Variants in TGFBR1 observed in about 807,000 individuals in gnomAD.
The protein encoded by TGFBR1 is TGF-beta receptor type-1.
In TGFBR1, 20 loss-of-function variants were observed where a neutral mutation model predicts 55.1. That is an observed-to-expected ratio of 0.36 (90% confidence interval 0.26 to 0.53). The LOEUF (loss-of-function observed/expected upper bound fraction) is 0.53, where lower values mean the gene tolerates loss of function less well. TGFBR1 is among the 20% of genes least tolerant of loss of function. TGFBR1 has a pLI of 0.91. For missense variants in TGFBR1, 385 were observed against 617.6 expected (o/e 0.62, Z 3.99); for synonymous variants, 220 against 214.8 (o/e 1.02, Z -0.21).
intron 3 of TGFBR1, among the ~76,000 whole-genome samples, chr9:99,134,945 C>T (rs1827388152): frequency 1.3e-5 from 2 of 150,256 alleles, no homozygotes; most frequent in African/African-American, 4.9e-5. Context: ...GTCTGCATTG[C>T]TTGCTAGCTC....
At position 99,152,221 on chromosome 9, in the gene TGFBR1, G is replaced by C; in HGVS notation, c.*2916G>C. ...TTCAGTCATTAGAGGTGGAAGGGAG[G>C]GGTCTCCAAGTTTGGAGATTGAGCA... On this transcript the variant is annotated 3_prime_UTR_variant, in exon 9 of 9. Coordinates refer to ENST00000374994, the MANE Select transcript of TGFBR1 (RefSeq NM_004612.4). 4.7e-6 allele frequency: 1 copy of C among 212,080 alleles called. No homozygotes were observed. Among genetic ancestry groups the C allele is most frequent in the African/African-American group, 2.3e-5 (1 of 44,196 alleles). The allele number at this position is 212,080 out of a possible 1,614,324, so 13.1% of individuals were successfully genotyped here.
intron 1 of TGFBR1, among the ~76,000 whole-genome samples, chr9:99,126,525 A>T (rs1827046874): frequency 6.6e-6 from 1 of 152,214 alleles, no homozygotes; most frequent in Non-Finnish European, 1.5e-5. Flanking sequence ...AATCATGAGT[A>T]AAGAGGATTT....
chr9:99,154,055 C>T lies in TGFBR1; in HGVS notation c.*4750C>T, dbSNP rs193268210. The T allele has an allele frequency of 1.7e-3, 378 of 224,538 alleles. 3 individuals carry two copies. The highest frequency in any genetic ancestry group is 7.9e-3 in the African/African-American group (352 of 44,828). The allele number at this position is 224,538 out of a possible 1,614,324, so 13.9% of individuals were successfully genotyped here. ...GGGGCTTTGTGAATAGGATTGCTCT[C>T]ACATTAAAGATAGTTACTTCAATTT... On this transcript the variant is annotated 3_prime_UTR_variant, in exon 9 of 9. Transcript: ENST00000374994.
intron 1 of TGFBR1, among the ~76,000 whole-genome samples, chr9:99,120,089 TCTGAGATTGGTA>T (rs1464789731): frequency 2.6e-5 from 4 of 152,200 alleles, no homozygotes; most frequent in African/African-American, 9.7e-5. Context: ...CCTCAAACCT[TCTGAGATTGGTA>T]CTGTTTGTTA....
chr9:99,131,011 A>G (rs931172216), intron 2 of TGFBR1, among the ~76,000 whole-genome samples: 1 of 152,210 alleles, frequency 6.6e-6, no homozygotes, highest in Non-Finnish European at 1.5e-5. Flanking sequence ...TAAGAGATAT[A>G]GGGAACAGAT....
intron 3 of TGFBR1, among the ~76,000 whole-genome samples, chr9:99,136,107 G>A (rs970292306): frequency 2.0e-5 from 3 of 152,046 alleles, no homozygotes; most frequent in Admixed American, 6.6e-5. Context: ...CAACCACGTC[G>A]GCCTCCTAAA....
At chr9:99,111,414 G>C (rs1373047042) in intron 1 of TGFBR1, among the ~76,000 whole-genome samples, 1 of 150,012 alleles carries the variant, frequency 6.7e-6, no homozygotes, top group Non-Finnish European at 1.5e-5. Flanking sequence ...GAATCACGAG[G>C]TCAGGAGTTC....
intron 1 of TGFBR1, among the ~76,000 whole-genome samples, chr9:99,117,857 T>TA (rs1428656688): frequency 6.6e-6 from 1 of 152,164 alleles, no homozygotes; most frequent in Admixed American, 6.5e-5. Context: ...TCCCACTGAA[T>TA]AAAAAAACCC....
chr9:99,121,301 A>G (rs1355236091), intron 1 of TGFBR1, among the ~76,000 whole-genome samples: 2 of 152,214 alleles, frequency 1.3e-5, no homozygotes, highest in African/African-American at 4.8e-5. Context: ...AATTGAGAAG[A>G]ACTGAGTATT....
rs200724388 is a variant in TGFBR1, at chr9:99,152,695, A to G, written c.*3390A>G. The G allele has an allele frequency of 7.5e-5, 17 of 226,504 alleles. No homozygotes were observed. The highest frequency in any genetic ancestry group is 1.2e-4 in the Non-Finnish European group (14 of 113,914). The allele number at this position is 226,504 out of a possible 1,614,324, so 14.0% of individuals were successfully genotyped here. ...ATCGTAAGTCAACTGTTTCTTGACC[A>G]TGGCAGTGTTCTGGCTCCAAATGGT... On this transcript the variant is annotated 3_prime_UTR_variant, in exon 9 of 9. Transcript: ENST00000374994.
At chr9:99,142,098 T>A (rs2118770999) in intron 4 of TGFBR1, among the ~76,000 whole-genome samples, 1 of 152,334 alleles carries the variant, frequency 6.6e-6, no homozygotes, top group African/African-American at 2.4e-5. Flanking sequence ...CCATTCCCAC[T>A]GTGGCCACAC....
Position 99,133,030 on chromosome 9 carries a change from G to A in TGFBR1, c.574+291G>A, listed in dbSNP as rs1415003744. On this transcript the variant is annotated intron_variant, in intron 3 of 8. Coordinates refer to ENST00000374994, the MANE Select transcript of TGFBR1 (RefSeq NM_004612.4). ...AATCTAATTTGCTTTTCATCACTGT[G>A]AGGTAGAAAGGATAAGAACAATTAT... 2.6e-5 allele frequency among the ~76,000 whole-genome samples: 4 copies of A among 152,168 alleles called. No individual in the cohort carries two copies. In the East Asian group the frequency reaches 5.8e-4, roughly 22 times the overall value.
chr9:99,140,059 G>A (rs1389149170), intron 4 of TGFBR1, among the ~76,000 whole-genome samples: 2 of 152,200 alleles, frequency 1.3e-5, no homozygotes, highest in Non-Finnish European at 2.9e-5. Context: ...ATCATATGTG[G>A]AGGTGTATAG....
rs1263374033 is a variant in TGFBR1 at position 99,119,247 on chromosome 9, G to A, written c.98-9608G>A. On this transcript the variant is annotated intron_variant, in intron 1 of 8. Transcript: ENST00000374994. ...TGCCCCGAGTCAATGGCAGCTGGGA[G>A]TGGTTACCACTTCCTTCTCTTACCA... 3.3e-5 allele frequency among the ~76,000 whole-genome samples: 5 copies of A among 152,330 alleles called. No individual in the cohort carries two copies. In the East Asian group the frequency reaches 7.7e-4, roughly 23 times the overall value.
intron 1 of TGFBR1, chr9:99,128,621 A>G (rs1311929640): frequency 1.5e-6 from 1 of 650,476 alleles, no homozygotes; most frequent in Non-Finnish European, 2.7e-6. Flanking sequence ...ACTTCAGGAA[A>G]AAACCTGGGT....
intron 4 of TGFBR1, among the ~76,000 whole-genome samples, chr9:99,138,473 C>A (rs558753680): frequency 1.3e-5 from 2 of 152,246 alleles, no homozygotes; most frequent in Non-Finnish European, 2.9e-5. Flanking sequence ...TCTTCCTGAC[C>A]AGTAGGATGT....
chr9:99,123,666 GCTTTT>G (rs1241078539), intron 1 of TGFBR1, among the ~76,000 whole-genome samples: 3 of 151,968 alleles, frequency 2.0e-5, no homozygotes, highest in Non-Finnish European at 2.9e-5. Context: ...AAATTGTTTT[GCTTTT>G]CTTAAGTTTT....
intron 1 of TGFBR1, among the ~76,000 whole-genome samples, chr9:99,114,170 T>A (rs999299836): frequency 1.3e-5 from 2 of 152,204 alleles, no homozygotes; most frequent in Non-Finnish European, 2.9e-5. Flanking sequence ...CAAAAAAGGA[T>A]TTTGGAAGCT....
chr9:99,138,998 A>G (rs745644298), intron 4 of TGFBR1, among the ~76,000 whole-genome samples: 3 of 151,970 alleles, frequency 2.0e-5, no homozygotes, highest in Admixed American at 6.6e-5. Context: ...GGGTTTCACC[A>G]TGTTGGCCAG....
Sources: allele counts gnomAD v4.1 joint callset (sites outside exome capture counted in the v4.1 genomes callset), GRCh38; gene constraint gnomAD v4.1.1; transcripts MANE v1.5; gene names NCBI Gene and HGNC (gene_info 2026-07-23, HGNC 2026-07-21).